NOCT: variants seen among roughly 807,000 people sequenced by gnomAD.
NOCT encodes the protein CCR4 carbon catabolite repression 4-like.
Under a neutral mutation model 35.0 loss-of-function variants are expected in NOCT, and 18 were observed. That is an observed-to-expected ratio of 0.51 (90% CI 0.36 to 0.76). The LOEUF (loss-of-function observed/expected upper bound fraction) is 0.76, where lower values mean the gene tolerates loss of function less well. Ranked by LOEUF, NOCT falls within the 30% of genes least tolerant of loss-of-function variation. The pLI is 0.01. For synonymous variants in NOCT, 235 were observed against 226.3 expected, an observed-to-expected ratio of 1.04 and a Z score of -0.34; for missense variants, 479 against 541.0, an observed-to-expected ratio of 0.89 and a Z score of 1.14.
chr4:139,042,013 G>T (rs1035153094), intron 1 of NOCT, among the ~76,000 whole-genome samples: 2 of 150,570 alleles, frequency 1.3e-5, no homozygotes, highest in African/African-American at 4.9e-5. Flanking sequence ...TCTCACCCAG[G>T]ATTAACATTA....
intron 2 of NOCT, 66 bp downstream of exon 2, chr4:139,043,409 TC>T: frequency 1.4e-6 from 2 of 1,467,272 alleles, no homozygotes; most frequent in Non-Finnish European, 1.9e-6. Flanking sequence ...CTTCTGCACA[TC>T]CACAGTGCAC....
rs1372619169 is a variant in NOCT at position 139,045,548 on chromosome 4, G to A, written c.*74G>A. ...TTTTTTTTTTTTGAGACAGAGTCTC[G>A]CTCTGTTGCCTAGGCTGGAGTACAG... On this transcript the variant is annotated 3_prime_UTR_variant, in exon 3 of 3. Coordinates refer to ENST00000280614, the MANE Select transcript of NOCT (RefSeq NM_012118.4). The A allele has an allele frequency of 1.3e-5, 10 of 774,936 alleles. No individual in the cohort carries two copies. The highest frequency in any genetic ancestry group is 6.9e-5 in the African/African-American group (3 of 43,644). The allele number at this position is 774,936 out of a possible 1,614,324, so 48.0% of individuals were successfully genotyped here.
chr4:139,016,040 T>TGCGCCGCCTGCCCGCCCC lies in NOCT; in HGVS notation c.60_77dup (p.Arg21_Pro26dup). On this transcript the variant is annotated inframe_insertion, in exon 1 of 3. Coordinates refer to ENST00000280614, the MANE Select transcript of NOCT (RefSeq NM_012118.4). ...CTGCTGCAGAGGGACGCGCCCGGCC[T>TGCGCCGCCTGCCCGCCCC]GCGCCGCCTGCCCGCCCCAGGGCTG... The TGCGCCGCCTGCCCGCCCC allele has an allele frequency of 7.2e-7, 1 of 1,390,700 alleles. No individual in the cohort carries two copies. Among genetic ancestry groups the TGCGCCGCCTGCCCGCCCC allele is most frequent in the Non-Finnish European group, 9.3e-7 (1 of 1,071,574 alleles). 86.1% of individuals were successfully genotyped at this position (1,390,700 alleles called of 1,614,324 possible). A position where few individuals can be genotyped will look rare whatever the true frequency, so the allele number is the denominator to read the frequency against.
chr4:139,020,472 C>T (rs1182905129), intron 1 of NOCT, among the ~76,000 whole-genome samples: 2 of 152,156 alleles, frequency 1.3e-5, no homozygotes, highest in African/African-American at 2.4e-5. Flanking sequence ...GAAGACCACA[C>T]ACACAATGCC....
At chr4:139,016,196 G>A in intron 1 of NOCT, 25 bp downstream of exon 1, 1 of 1,224,392 alleles carries the variant, frequency 8.2e-7, no homozygotes, top group Non-Finnish European at 1.0e-6. Context: ...GTTCCGGGCG[G>A]AGAACGCCAC....
intron 1 of NOCT, among the ~76,000 whole-genome samples, chr4:139,018,899 A>C (rs556299134): frequency 6.6e-6 from 1 of 152,318 alleles, no homozygotes; most frequent in East Asian, 1.9e-4. Flanking sequence ...AGAGATTACT[A>C]TAAAGCGTTT....
chr4:139,044,583 T>C, intron 2 of NOCT, 56 bp from the exon 3 acceptor site: 2 of 1,098,556 alleles, frequency 1.8e-6, no homozygotes, highest in African/African-American at 1.6e-5. Context: ...ACCTCCTGGG[T>C]ACTTTGAAGT....
chr4:139,038,984 C>G (rs1370195338), intron 1 of NOCT, among the ~76,000 whole-genome samples: 1 of 151,872 alleles, frequency 6.6e-6, no homozygotes, highest in Non-Finnish European at 1.5e-5. Flanking sequence ...CAAAAATGGT[C>G]CTGTTAATGT....
chr4:139,036,359 A>T (rs1183742410), intron 1 of NOCT, among the ~76,000 whole-genome samples: 2 of 152,080 alleles, frequency 1.3e-5, no homozygotes, highest in Non-Finnish European at 1.5e-5. Flanking sequence ...CCTCCTGAGT[A>T]GCTGGAATTA....
intron 1 of NOCT, 79 bp downstream of exon 1, chr4:139,016,250 A>G (rs980802202): frequency 5.2e-6 from 5 of 959,872 alleles, no homozygotes; most frequent in Non-Finnish European, 5.3e-6. Flanking sequence ...CGCGGAATGA[A>G]TGAGAAGCCC....
At chr4:139,030,555 A>G (rs1726604253) in intron 1 of NOCT, among the ~76,000 whole-genome samples, 1 of 152,198 alleles carries the variant, frequency 6.6e-6, no homozygotes, top group Non-Finnish European at 1.5e-5. Context: ...GAAATGGGCC[A>G]GGTATAAGAA....
intron 1 of NOCT, among the ~76,000 whole-genome samples, chr4:139,026,762 G>C (rs1404292756): frequency 6.6e-6 from 1 of 151,892 alleles, no homozygotes; most frequent in Non-Finnish European, 1.5e-5. Flanking sequence ...ATGTTGGCCA[G>C]GCTGGTCTTG....
chr4:139,021,711 C>A (rs1423764297), intron 1 of NOCT, among the ~76,000 whole-genome samples: 1 of 151,032 alleles, frequency 6.6e-6, no homozygotes, highest in African/African-American at 2.4e-5. Flanking sequence ...AAGGGAGATA[C>A]AGCGTCTGTA....
At chr4:139,022,491 G>A (rs1726435173) in intron 1 of NOCT, among the ~76,000 whole-genome samples, 1 of 152,120 alleles carries the variant, frequency 6.6e-6, no homozygotes, top group South Asian at 2.1e-4. Context: ...AGATCTTCTG[G>A]ATTTTAATAT....
intron 2 of NOCT, 177 bp downstream of exon 2, chr4:139,043,520 CTTTT>C: frequency 4.3e-6 from 2 of 460,442 alleles, no homozygotes; most frequent in South Asian, 3.6e-5. Context: ...CTGGTTTTCA[CTTTT>C]TTTTTTTTTT....
chr4:139,038,839 C>A (rs1046020179), intron 1 of NOCT, among the ~76,000 whole-genome samples: 2 of 152,014 alleles, frequency 1.3e-5, no homozygotes, highest in African/African-American at 4.8e-5. Context: ...CTAAGTAGCT[C>A]TGTGTTTAGT....
At position 139,029,415 on chromosome 4, in the gene NOCT, T is replaced by C. The variant is rs182460555; in HGVS notation, c.190+13244T>C. On this transcript the variant is annotated intron_variant, in intron 1 of 2. Coordinates refer to ENST00000280614, the MANE Select transcript of NOCT (RefSeq NM_012118.4). Reference sequence around the variant, plus strand: ...AACTTGAGTCCTTGCTTTAAGACTTTCTTGCCTCTGCGGAACCGCAGGCCG... The same window carrying C: ...AACTTGAGTCCTTGCTTTAAGACTTCCTTGCCTCTGCGGAACCGCAGGCCG... Among the ~76,000 whole-genome samples the C allele has an allele frequency of 8.7e-4, 133 of 152,350 alleles. 1 individual carries two copies. The East Asian group carries it at 0.024, about 28-fold the overall frequency.
intron 1 of NOCT, among the ~76,000 whole-genome samples, chr4:139,021,762 T>C (rs576176834): frequency 2.7e-5 from 1 of 37,254 alleles, no homozygotes; most frequent in African/African-American, 1.2e-4. Context: ...ACAGTTTTTC[T>C]GGTTTTTTTT....
rs776888072 is a variant in NOCT at position 139,043,228 on chromosome 4, G to A, written c.345G>A (p.Arg115=). Residue 115 remains arginine, a synonymous_variant, in exon 2 of 3, where the codon AGG becomes AGA. Coordinates refer to ENST00000280614, the MANE Select transcript of NOCT (RefSeq NM_012118.4). ...IDPKELLEEC[R]AVLHTRPPRF... ...CTAAAGAGCTTCTTGAGGAATGCAG[G>A]GCCGTCCTGCACACCCGACCTCCCC... The A allele has an allele frequency of 5.0e-6, 8 of 1,614,132 alleles. No homozygotes were observed. The South Asian group carries it at 7.7e-5, about 16-fold the overall frequency.
Sources: allele counts gnomAD v4.1 joint callset (sites outside exome capture counted in the v4.1 genomes callset), GRCh38; gene constraint gnomAD v4.1.1; transcripts MANE v1.5; gene names NCBI Gene and HGNC (gene_info 2026-07-23, HGNC 2026-07-21).